BTN1A1: variants seen among roughly 807,000 people sequenced by gnomAD.
BTN1A1 encodes butyrophilin subfamily 1 member A1, also known as bK14H9.2 (butyrophilin, subfamily 1, member A1).
A neutral mutation model predicts 33.1 loss-of-function variants in BTN1A1; 26 were observed. That is an observed-to-expected ratio of 0.79 (90% CI 0.58 to 1.09). BTN1A1 has a LOEUF of 1.09. Ranked by LOEUF, BTN1A1 falls within the 50% of genes least tolerant of loss-of-function variation. BTN1A1 has a pLI of 0.00. For synonymous variants in BTN1A1, 235 were observed against 256.2 expected (o/e 0.92, Z 0.79); for missense variants, 558 against 655.7 (o/e 0.85, Z 1.63).
intron 5 of BTN1A1, among the ~76,000 whole-genome samples, chr6:26,507,296 C>A (rs1292891363): frequency 6.6e-6 from 1 of 152,084 alleles, no homozygotes; most frequent in Non-Finnish European, 1.5e-5. Flanking sequence ...GTCACAGATG[C>A]CAATATGAAG....
chr6:26,508,362 C>G (rs928035793), intron 7 of BTN1A1, 139 bp from the exon 8 acceptor site: 6 of 1,060,652 alleles, frequency 5.7e-6, no homozygotes, highest in African/African-American at 1.6e-5. Flanking sequence ...ATGGAGACCC[C>G]TGAGCAGGCC....
At chr6:26,506,953 G>A in intron 5 of BTN1A1, 121 bp downstream of exon 5, 1 of 1,243,110 alleles carries the variant, frequency 8.0e-7, no homozygotes, top group Non-Finnish European at 1.1e-6. Context: ...GGGCATGGTG[G>A]CTCACGCCTG....
chr6:26,506,574 T>G, intron 4 of BTN1A1, 109 bp from the exon 5 acceptor site: 22 of 1,171,500 alleles, frequency 1.9e-5, no homozygotes, highest in Non-Finnish European at 2.4e-5. Flanking sequence ...ATATGAGGGA[T>G]GAGAGTGGTC....
intron 3 of BTN1A1, among the ~76,000 whole-genome samples, chr6:26,502,388 T>C (rs1763812883): frequency 6.6e-6 from 1 of 152,208 alleles, no homozygotes; most frequent in Non-Finnish European, 1.5e-5. Flanking sequence ...TACTGGACCA[T>C]GAAGAAAGGC....
Position 26,505,043 on chromosome 6 carries a change from A to T in BTN1A1, c.546A>T (p.Gly182=). 1 of 1,614,200 alleles carries T rather than the reference A, an allele frequency of 6.2e-7. No homozygotes were observed. Among genetic ancestry groups the T allele is most frequent in the Non-Finnish European group, 8.5e-7 (1 of 1,180,026 alleles). ...AGGTGCAGTGGAGAACTTCCAAGGG[A>T]GAGAAGTTTCCATCTACATCAGAGT... ...EPQVQWRTSK[G]EKFPSTSESR... Residue 182 remains glycine, a synonymous_variant, in exon 4 of 8, where the codon GGA becomes GGT. Transcript: ENST00000684113.
Position 26,508,809 on chromosome 6 carries a change from C to T in BTN1A1, c.1216C>T (p.Leu406Phe), listed in dbSNP as rs371312377. The T allele has an allele frequency of 3.1e-6, 5 of 1,614,054 alleles. No individual in the cohort carries two copies. The highest frequency in any genetic ancestry group is 4.2e-6 in the Non-Finnish European group (5 of 1,180,040). ...GTTGTATGGAAATGGGTACTGGGCC[C>T]TCACTCCTCTCCGGACCCCTCTCCC... The part of the protein sequence containing the change: ...VELYGNGYWA[L>F]TPLRTPLPLA... Residue 406 changes from leucine to phenylalanine, a missense_variant, in exon 8 of 8, where the codon CTC becomes TTC. Transcript: ENST00000684113.
chr6:26,506,993 G>C (rs1468774149), intron 5 of BTN1A1, among the ~76,000 whole-genome samples, 161 bp downstream of exon 5: 1 of 152,190 alleles, frequency 6.6e-6, no homozygotes, highest in Non-Finnish European at 1.5e-5. Context: ...AGCCGAGGTA[G>C]GTGGATCATC....
rs374349868 is a variant in BTN1A1, at chr6:26,503,658, TTA to T, written c.428-1254_428-1253del. ...TATTATCTAAATCTATATGCATATATTATATATATATATACATAGATATATAT... is the reference window on the plus strand; with the variant it reads ...TATTATCTAAATCTATATGCATATATTATATATATATACATAGATATATAT... On this transcript the variant is annotated intron_variant, in intron 3 of 7. Coordinates refer to ENST00000684113, the MANE Select transcript of BTN1A1 (RefSeq NM_001732.3). 5.1e-3 allele frequency among the ~76,000 whole-genome samples: 761 copies of T among 147,918 alleles called. 5 individuals are homozygous for T. The highest frequency in any genetic ancestry group is 0.011 in the South Asian group (54 of 4,742).
At chr6:26,502,516 GGA>G (rs1481357190) in intron 3 of BTN1A1, among the ~76,000 whole-genome samples, 1 of 152,164 alleles carries the variant, frequency 6.6e-6, no homozygotes, top group Non-Finnish European at 1.5e-5. Context: ...AGTTGAACAT[GGA>G]GAGAACAGTG....
rs1763805457 is a variant in BTN1A1 at position 26,501,883 on chromosome 6, T to C, written c.373T>C (p.Phe125Leu). The C allele has an allele frequency of 1.9e-6, 3 of 1,602,846 alleles. No homozygotes were observed. The highest frequency in any genetic ancestry group is 2.6e-6 in the Non-Finnish European group (3 of 1,172,314). The change falls in exon 3 of 8, where the codon TTT becomes CTT. Residue 125 changes from phenylalanine (F) to leucine (L), a missense_variant. By Grantham distance (22) the Phe-to-Leu change is conservative. Coordinates refer to ENST00000684113, the MANE Select transcript of BTN1A1 (RefSeq NM_001732.3). This position sits in a 1 kb window ranked among gnomAD's most constrained non-coding sequence, Gnocchi z 5.2. ...RVSDDGEYTCFFREDGSYEEA... is the reference protein window; with the variant it reads ...RVSDDGEYTCLFREDGSYEEA... ...CTCTGACGACGGGGAGTACACGTGC[T>C]TTTTCAGGGAGGATGGAAGCTACGA...
intron 5 of BTN1A1, among the ~76,000 whole-genome samples, chr6:26,507,551 C>A (rs1763886619): frequency 6.6e-6 from 1 of 151,992 alleles, no homozygotes; most frequent in Non-Finnish European, 1.5e-5. Flanking sequence ...CATGGTGAAA[C>A]CCCGTCTCTA....
chr6:26,505,806 TCTCTC>T (rs1328208808), intron 4 of BTN1A1, among the ~76,000 whole-genome samples: 3 of 151,884 alleles, frequency 2.0e-5, no homozygotes, highest in African/African-American at 7.3e-5. Flanking sequence ...TCCAGAGCCT[TCTCTC>T]CTCAAGTAAA....
intron 5 of BTN1A1, 37 bp downstream of exon 5, chr6:26,506,869 G>A (rs1335207797): frequency 6.2e-7 from 1 of 1,609,110 alleles, no homozygotes; most frequent in East Asian, 2.2e-5. Flanking sequence ...CGTGTCAGGA[G>A]TGCTTCAGAG....
intron 4 of BTN1A1, among the ~76,000 whole-genome samples, chr6:26,506,085 CT>C (rs1421890661): frequency 2.0e-5 from 3 of 150,848 alleles, no homozygotes; most frequent in African/African-American, 7.3e-5. Flanking sequence ...CGCCACTGAA[CT>C]CCACTCCAGC....
chr6:26,502,031 C>T, intron 3 of BTN1A1, 94 bp downstream of exon 3: 3 of 1,428,258 alleles, frequency 2.1e-6, no homozygotes, highest in Non-Finnish European at 1.8e-6. Flanking sequence ...GATTCATTCT[C>T]AAAATCTCTT....
chr6:26,500,444 T>C (rs1438674078), intron 1 of BTN1A1, among the ~76,000 whole-genome samples, 86 bp downstream of exon 1: 1 of 152,076 alleles, frequency 6.6e-6, no homozygotes, highest in Non-Finnish European at 1.5e-5. Context: ...AGCTCCTTTC[T>C]CCTTGGTCCT....
rs536869321 is a variant in BTN1A1 at position 26,501,154 on chromosome 6, A to G, written c.-57-76A>G. The G allele has an allele frequency of 2.7e-6, 2 of 743,802 alleles. No homozygotes were observed. Among genetic ancestry groups the G allele is most frequent in the East Asian group, 2.6e-5 (1 of 38,376 alleles). 46.1% of individuals were successfully genotyped at this position (743,802 alleles called of 1,614,324 possible). On this transcript the variant is annotated intron_variant, in intron 1 of 7. Coordinates refer to ENST00000684113, the MANE Select transcript of BTN1A1 (RefSeq NM_001732.3). This position sits in a 1 kb window ranked among gnomAD's most constrained non-coding sequence, Gnocchi z 5.2. ...AATGACCAGAACACTTGCAGCTGGAAAGAACTGTAGAGAGGACTTTGGAAA... is the reference window on the plus strand; with the variant it reads ...AATGACCAGAACACTTGCAGCTGGAGAGAACTGTAGAGAGGACTTTGGAAA...
intron 6 of BTN1A1, 36 bp downstream of exon 6, chr6:26,508,006 T>A: frequency 6.2e-7 from 1 of 1,613,256 alleles, no homozygotes; most frequent in Admixed American, 1.7e-5. Flanking sequence ...ACCCACAGAG[T>A]TTTCTCTCTC....
At chr6:26,506,161 T>C (rs1367689430) in intron 4 of BTN1A1, among the ~76,000 whole-genome samples, 1 of 152,066 alleles carries the variant, frequency 6.6e-6, no homozygotes, top group East Asian at 1.9e-4. Flanking sequence ...TTTCTACTTT[T>C]GCCATTTCCA....
Sources: gnomAD v4.1 joint callset for allele counts (sites outside exome capture counted in the v4.1 genomes callset) on GRCh38, gnomAD v4.1.1 for gene constraint, Gnocchi (gnomAD v3.1) non-coding constraint, MANE v1.5 for transcripts, NCBI Gene and HGNC (gene_info 2026-07-23, HGNC 2026-07-21) for gene names.